The following SI variants were observed in gnomAD, a reference collection of about 807,000 sequenced individuals.
The protein encoded by SI is sucrase-isomaltase, intestinal.
Under a neutral mutation model 253.3 loss-of-function variants are expected in SI, and 235 were observed. That is an observed-to-expected ratio of 0.93 (90% CI 0.83 to 1.03). The LOEUF (loss-of-function observed/expected upper bound fraction) is 1.03, where lower values mean the gene tolerates loss of function less well. Among genes scored for constraint, SI ranks in the 50% least tolerant of loss-of-function variants. The pLI, the probability that SI is intolerant of heterozygous loss-of-function variation, is 0.00. For missense variants in SI, 2,442 were observed against 2,211.1 expected (o/e 1.10, Z -2.09); for synonymous variants, 819 against 712.0 (o/e 1.15, Z -2.39).
intron 38 of SI, among the ~76,000 whole-genome samples, chr3:164,997,869 T>C (rs1461889254): frequency 6.6e-6 from 1 of 151,966 alleles, no homozygotes; most frequent in East Asian, 1.9e-4. Context: ...TACCACATTT[T>C]CTTTATTCAG....
At chr3:165,065,957 C>T (rs1444672368) in intron 6 of SI, among the ~76,000 whole-genome samples, 1 of 151,716 alleles carries the variant, frequency 6.6e-6, no homozygotes, top group African/African-American at 2.4e-5. Context: ...GATTTGTATG[C>T]TTTTATTTTT....
At chr3:165,039,816 G>A (rs1712722981) in intron 19 of SI, 71 bp downstream of exon 19, 4 of 1,040,638 alleles carry the variant, frequency 3.8e-6, no homozygotes, top group Admixed American at 1.7e-5. Context: ...TTATTCAGAT[G>A]TTTTGTAATG....
chr3:165,032,428 C>T (rs556759782), intron 24 of SI, 94 bp downstream of exon 24: 1 of 813,418 alleles, frequency 1.2e-6, no homozygotes, highest in African/African-American at 1.7e-5. Context: ...GGAATACACA[C>T]TGTGAGGAGA....
Position 165,017,472 on chromosome 3 carries a change from A to G in SI, c.3759+76T>C, listed in dbSNP as rs1719093056. 5 of 1,430,554 alleles carry G rather than the reference A, an allele frequency of 3.5e-6. No homozygotes were observed. The South Asian group carries it at 3.6e-5, about 10-fold the overall frequency. 88.6% of individuals were successfully genotyped at this position (1,430,554 alleles called of 1,614,324 possible). A position where few individuals can be genotyped will look rare whatever the true frequency, so the allele number is the denominator to read the frequency against. ...CATTATTACCAGCTGCTTAAATTAA[A>G]GTATACATGTTTAATTATTTCATTC... On this transcript the variant is annotated intron_variant, in intron 31 of 47. Coordinates refer to ENST00000264382, the MANE Select transcript of SI (RefSeq NM_001041.4).
At chr3:165,068,585 G>A (rs1363176903) in intron 5 of SI, 137 bp downstream of exon 5, 4 of 719,524 alleles carry the variant, frequency 5.6e-6, no homozygotes, top group Middle Eastern at 2.5e-4. Context: ...CTGTTAGCCA[G>A]GATGGTCTCC....
intron 16 of SI, 150 bp from the exon 17 acceptor site, chr3:165,043,325 A>G (rs13073000): frequency 0.6 from 351,007 of 585,128 alleles, 107,304 homozygotes; most frequent in East Asian, 0.83. Context: ...TTTATTTTCC[A>G]TTTTTGCTCT....
At chr3:165,070,115 A>G (rs1714461411) in intron 3 of SI, among the ~76,000 whole-genome samples, 1 of 146,686 alleles carries the variant, frequency 6.8e-6, no homozygotes, top group Admixed American at 6.9e-5. Context: ...TTTATATAAT[A>G]TTTAAATAGA....
chr3:165,006,444 G>A (rs976790371), intron 37 of SI, among the ~76,000 whole-genome samples: 8 of 152,108 alleles, frequency 5.3e-5, no homozygotes, highest in Non-Finnish European at 8.8e-5. Context: ...TTCGCCAAAT[G>A]TTTGATGCTT....
At chr3:165,039,259 T>C in intron 19 of SI, 125 bp from the exon 20 acceptor site, 1 of 644,922 alleles carries the variant, frequency 1.6e-6, no homozygotes, top group Non-Finnish European at 2.8e-6. Flanking sequence ...CAATATTTCC[T>C]ATAGATAATA....
chr3:165,039,383 G>T (rs111935294), intron 19 of SI, among the ~76,000 whole-genome samples: 185 of 151,966 alleles, frequency 1.2e-3, no homozygotes, highest in African/African-American at 4.3e-3. Context: ...ATGCATATAT[G>T]TGTATTGTTA....
At chr3:165,041,160 A>AT (rs1182709727) in intron 17 of SI, 66 bp from the exon 18 acceptor site, 2 of 1,429,540 alleles carry the variant, frequency 1.4e-6, no homozygotes, top group Non-Finnish European at 2.0e-6. Flanking sequence ...AAGTAGAAGC[A>AT]TTTTAATCTG....
intron 44 of SI, among the ~76,000 whole-genome samples, chr3:164,990,347 G>A (rs570510318): frequency 7.2e-5 from 11 of 151,912 alleles, no homozygotes; most frequent in South Asian, 4.2e-4. Context: ...TCTTGTTGAG[G>A]CAGCCATTCA....
intron 41 of SI, 136 bp downstream of exon 41, chr3:164,994,121 A>C (rs1346451335): frequency 1.4e-6 from 1 of 717,068 alleles, no homozygotes; most frequent in Non-Finnish European, 2.4e-6. Context: ...ATGCTTTATT[A>C]ATAAAAAATG....
chr3:165,077,783 T>C (rs1379624213), intron 1 of SI, among the ~76,000 whole-genome samples: 1 of 151,598 alleles, frequency 6.6e-6, no homozygotes, highest in East Asian at 1.9e-4. Context: ...AAGGGAAGTC[T>C]TAAAAAATGC....
At chr3:165,053,808 GA>G (rs1317359042) in intron 13 of SI, among the ~76,000 whole-genome samples, 1 of 151,132 alleles carries the variant, frequency 6.6e-6, no homozygotes, top group Non-Finnish European at 1.5e-5. Flanking sequence ...TCCTAACTAA[GA>G]AAAAAATAAA....
At chr3:165,002,175 T>A (rs2108146035) in intron 37 of SI, among the ~76,000 whole-genome samples, 1 of 151,796 alleles carries the variant, frequency 6.6e-6, no homozygotes, top group South Asian at 2.1e-4. Flanking sequence ...AATCCTTGAA[T>A]ATTTGTCCGA....
chr3:164,980,368 A>G (rs2108104926), intron 47 of SI, among the ~76,000 whole-genome samples: 1 of 152,088 alleles, frequency 6.6e-6, no homozygotes, highest in African/African-American at 2.4e-5. Flanking sequence ...TACACCACAT[A>G]GCTTTTAATA....
chr3:164,996,510 G>T (rs1332726673), intron 40 of SI, 25 bp downstream of exon 40: 1 of 1,208,934 alleles, frequency 8.3e-7, no homozygotes, highest in Admixed American at 1.7e-5. Flanking sequence ...AGAAAATACT[G>T]AAAGTAAATG....
intron 24 of SI, among the ~76,000 whole-genome samples, chr3:165,031,919 A>T (rs895926625): frequency 2.6e-5 from 4 of 151,208 alleles, no homozygotes; most frequent in African/African-American, 9.7e-5. Flanking sequence ...TAGCAGAGTT[A>T]TAATCTGTGC....
Sources: gnomAD v4.1 joint callset for allele counts (sites outside exome capture counted in the v4.1 genomes callset) on GRCh38, gnomAD v4.1.1 for gene constraint, MANE v1.5 for transcripts, NCBI Gene and HGNC (gene_info 2026-07-23, HGNC 2026-07-21) for gene names.